The following SCFD2 variants were observed in gnomAD, a reference collection of about 807,000 sequenced individuals.
SCFD2 encodes the protein sec1 family domain-containing protein 2.
In SCFD2, 54 loss-of-function variants were observed where a neutral mutation model predicts 58.9. That is an observed-to-expected ratio of 0.92 (90% confidence interval 0.74 to 1.15). The LOEUF is 1.15. Ranked by LOEUF, SCFD2 falls within the 50% of genes most tolerant of loss-of-function variation. SCFD2 has a pLI of 0.00. For synonymous variants in SCFD2, 321 were observed against 335.9 expected, an observed-to-expected ratio of 0.96 and a Z score of 0.49; for missense variants, 805 against 836.6, an observed-to-expected ratio of 0.96 and a Z score of 0.47.
intron 5 of SCFD2, among the ~76,000 whole-genome samples, chr4:52,984,389 C>T (rs1342830110): frequency 6.6e-6 from 1 of 152,200 alleles, no homozygotes; most frequent in African/African-American, 2.4e-5. Flanking sequence ...ACAAAGCCAT[C>T]ATTGTCAAGG....
intron 5 of SCFD2, among the ~76,000 whole-genome samples, chr4:52,992,606 C>A (rs1186122243): frequency 6.6e-6 from 1 of 151,514 alleles, no homozygotes; most frequent in Non-Finnish European, 1.5e-5. Context: ...GGCCGCCCAT[C>A]GTCTGAGATG....
At chr4:53,191,162 A>T (rs573866351) in intron 4 of SCFD2, among the ~76,000 whole-genome samples, 38 of 152,168 alleles carry the variant, frequency 2.5e-4, no homozygotes, top group Admixed American at 1.2e-3. Context: ...AGCCTGGCCA[A>T]CATGGTGAAA....
chr4:53,178,674 G>A (rs1727430910), intron 4 of SCFD2, among the ~76,000 whole-genome samples: 1 of 152,206 alleles, frequency 6.6e-6, no homozygotes, highest in African/African-American at 2.4e-5. Flanking sequence ...GTTGAGAGAA[G>A]AAGCCTTCAG....
intron 5 of SCFD2, among the ~76,000 whole-genome samples, chr4:53,009,397 C>T (rs141048579): frequency 1.0e-3 from 153 of 152,260 alleles, no homozygotes; most frequent in African/African-American, 3.5e-3. Context: ...TAAGAACAAC[C>T]TTTTGAGATC....
chr4:52,978,211 T>C (rs1250525648), intron 5 of SCFD2, among the ~76,000 whole-genome samples: 1 of 152,118 alleles, frequency 6.6e-6, no homozygotes, highest in East Asian at 1.9e-4. Context: ...ATCTGGAGCT[T>C]GGAGGACAGC....
At chr4:53,098,745 C>G (rs1724739045) in intron 5 of SCFD2, among the ~76,000 whole-genome samples, 1 of 151,978 alleles carries the variant, frequency 6.6e-6, no homozygotes, top group Non-Finnish European at 1.5e-5. Flanking sequence ...TGTGTGTGCA[C>G]ACACATACAC....
chr4:52,939,514 T>C (rs1720234704), intron 5 of SCFD2, among the ~76,000 whole-genome samples: 1 of 152,104 alleles, frequency 6.6e-6, no homozygotes, highest in Non-Finnish European at 1.5e-5. Context: ...ATTCAGTCAC[T>C]GAGTCATTCT....
intron 6 of SCFD2, among the ~76,000 whole-genome samples, chr4:52,915,866 A>G (rs1158132306): frequency 6.6e-6 from 1 of 152,228 alleles, no homozygotes; most frequent in Admixed American, 6.5e-5. Context: ...CACTTGGAAA[A>G]GAACAACTGG....
intron 1 of SCFD2, among the ~76,000 whole-genome samples, chr4:53,361,221 T>C (rs1278998865): frequency 6.6e-6 from 1 of 152,224 alleles, no homozygotes; most frequent in Non-Finnish European, 1.5e-5. Flanking sequence ...AACTTTGACA[T>C]TTACAGAATT....
At chr4:53,119,956 A>G (rs1329163830) in intron 5 of SCFD2, among the ~76,000 whole-genome samples, 1 of 152,182 alleles carries the variant, frequency 6.6e-6, no homozygotes, top group Non-Finnish European at 1.5e-5. Context: ...CCTTCCCTCA[A>G]ACAGGCCTCC....
At chr4:53,324,438 A>G (rs1733118405) in intron 2 of SCFD2, among the ~76,000 whole-genome samples, 2 of 151,790 alleles carry the variant, frequency 1.3e-5, no homozygotes, top group Admixed American at 1.3e-4. Context: ...AAAAAAAAAA[A>G]AAGTATCCAG....
intron 5 of SCFD2, among the ~76,000 whole-genome samples, chr4:53,101,862 A>G (rs1051754317): frequency 6.6e-6 from 1 of 152,164 alleles, no homozygotes; most frequent in Non-Finnish European, 1.5e-5. Flanking sequence ...AAAAAAACCA[A>G]TAAGCTTTTT....
At chr4:52,970,743 GTAGCC>G (rs1577869112) in intron 5 of SCFD2, among the ~76,000 whole-genome samples, 1 of 152,216 alleles carries the variant, frequency 6.6e-6, no homozygotes, top group East Asian at 1.9e-4. Flanking sequence ...TGACCCCCGA[GTAGCC>G]TAACTGGGAG....
intron 5 of SCFD2, among the ~76,000 whole-genome samples, chr4:53,106,156 C>A (rs564205823): frequency 6.6e-6 from 1 of 152,240 alleles, no homozygotes; most frequent in South Asian, 2.1e-4. Flanking sequence ...AACAAATAAA[C>A]AGAAAGGAAT....
chr4:53,363,783 C>A (rs894311783), intron 1 of SCFD2, among the ~76,000 whole-genome samples: 1 of 146,408 alleles, frequency 6.8e-6, no homozygotes. Flanking sequence ...CGCGAGATTG[C>A]GCCATTGCAC....
intron 4 of SCFD2, 93 bp from the exon 5 acceptor site, chr4:53,145,675 TG>T: frequency 2.6e-6 from 3 of 1,139,114 alleles, no homozygotes; most frequent in African/African-American, 3.1e-5. Flanking sequence ...CAAACAAGTC[TG>T]TATATGATAT....
At chr4:53,251,196 C>A (rs550039154) in intron 4 of SCFD2, among the ~76,000 whole-genome samples, 65 of 152,302 alleles carry the variant, frequency 4.3e-4, no homozygotes, top group African/African-American at 1.6e-3. Context: ...GAAGTTGAAT[C>A]TCTGAATGGA....
chr4:53,142,266 T>C (rs952875662), intron 5 of SCFD2, among the ~76,000 whole-genome samples: 4 of 152,232 alleles, frequency 2.6e-5, no homozygotes, highest in African/African-American at 7.2e-5. Context: ...ATATCAACAC[T>C]TGGAGCTGGT....
At chr4:52,940,144 G>A (rs90020) in intron 5 of SCFD2, among the ~76,000 whole-genome samples, 10,668 of 152,274 alleles carry the variant, frequency 0.07, 1,237 homozygotes, top group African/African-American at 0.24. Flanking sequence ...TGACCTGCGA[G>A]CTACTCAATA....
Sources: allele counts gnomAD v4.1 joint callset (sites outside exome capture counted in the v4.1 genomes callset), GRCh38; gene constraint gnomAD v4.1.1; transcripts MANE v1.5; gene names NCBI Gene and HGNC (gene_info 2026-07-23, HGNC 2026-07-21).